The following CPXM2 variants were observed in gnomAD, a reference collection of about 807,000 sequenced individuals.
The protein encoded by CPXM2 is carboxypeptidase X, M14 family member 2.
Under a neutral mutation model 86.1 loss-of-function variants are expected in CPXM2, and 66 were observed. That is an observed-to-expected ratio of 0.77 (90% CI 0.63 to 0.94). CPXM2 has a LOEUF of 0.94. Among genes scored for constraint, CPXM2 ranks in the 40% least tolerant of loss-of-function variants. The pLI is 0.00. For missense variants in CPXM2, 948 were observed against 1,026.3 expected (o/e 0.92, Z 1.04); for synonymous variants, 388 against 400.2 (o/e 0.97, Z 0.36).
chr10:123,911,452 A>G (rs1945487368), intron 2 of CPXM2, among the ~76,000 whole-genome samples: 1 of 151,914 alleles, frequency 6.6e-6, no homozygotes, highest in African/African-American at 2.4e-5. Context: ...GGAAAGAGTG[A>G]TGGAGATGAG....
intron 6 of CPXM2, among the ~76,000 whole-genome samples, chr10:123,784,592 A>G (rs1267678337): frequency 6.6e-6 from 1 of 152,212 alleles, no homozygotes; most frequent in Non-Finnish European, 1.5e-5. Context: ...TCATAAAAAT[A>G]AATCCTTCAA....
chr10:123,747,121 G>T, intron 13 of CPXM2, 104 bp from the exon 14 acceptor site: 2 of 1,375,094 alleles, frequency 1.5e-6, no homozygotes, highest in Non-Finnish European at 2.0e-6. Context: ...GAGACTCTCA[G>T]GCTGGCAACG....
At chr10:123,789,525 T>C (rs1191317681) in intron 6 of CPXM2, among the ~76,000 whole-genome samples, 2 of 152,188 alleles carry the variant, frequency 1.3e-5, no homozygotes, top group Non-Finnish European at 2.9e-5. Context: ...ATCATCAACA[T>C]TGGGCAGCTG....
chr10:123,832,826 T>TAAAAAAAAAA (rs537178892), intron 4 of CPXM2, among the ~76,000 whole-genome samples: 47 of 133,530 alleles, frequency 3.5e-4, no homozygotes, highest in East Asian at 1.3e-3. Context: ...AAACTCTGTC[T>TAAAAAAAAAA]AAAAAAAAAA....
At chr10:123,786,813 T>C (rs953914046) in intron 6 of CPXM2, among the ~76,000 whole-genome samples, 1 of 152,156 alleles carries the variant, frequency 6.6e-6, no homozygotes, top group African/African-American at 2.4e-5. Context: ...CCCTGAGACG[T>C]CGCCTCCTCT....
At chr10:123,867,523 C>CTTTATT (rs1240878736) in intron 2 of CPXM2, among the ~76,000 whole-genome samples, 3 of 127,630 alleles carry the variant, frequency 2.4e-5, no homozygotes, top group Non-Finnish European at 5.0e-5. Context: ...CTAGAGATTT[C>CTTTATT]TTTCTTTTTT....
rs1235991036 is a variant in CPXM2, at chr10:123,757,225, C to T, written c.1905G>A (p.Val635=). ...EWENNRESLI[V]FMEQVHRGIK... is the part of the protein sequence containing the mutation. ...ACCCGCAATATACCTGCTCCATGAACACGATCAGAGATTCCCGGTTATTCT... is the reference window on the plus strand; with the variant it reads ...ACCCGCAATATACCTGCTCCATGAATACGATCAGAGATTCCCGGTTATTCT... The change falls in exon 12 of 14, where the codon GTG becomes GTA. Residue 635 remains valine (V), a synonymous_variant. Transcript: ENST00000241305. 6.2e-7 allele frequency: 1 copy of T among 1,614,082 alleles called. No homozygotes were observed. Among genetic ancestry groups the T allele is most frequent in the East Asian group, 2.2e-5 (1 of 44,882 alleles).
At chr10:123,893,819 G>C (rs951710699), upstream of CPXM2, among the ~76,000 whole-genome samples, 1 of 152,218 alleles carries the variant, frequency 6.6e-6, no homozygotes, top group Non-Finnish European at 1.5e-5. Context: ...AGCGAGCTGT[G>C]TGAAGCGCTA....
chr10:123,936,061 T>TCACCACCAC, intron 2 of CPXM2, among the ~76,000 whole-genome samples: 1 of 150 alleles, frequency 6.7e-3, no homozygotes, highest in East Asian at 0.25. Flanking sequence ...ACCATCACCA[T>TCACCACCAC]CATCACCACT....
chr10:123,884,410 C>T (rs184626074), intron 1 of CPXM2, among the ~76,000 whole-genome samples: 1 of 152,294 alleles, frequency 6.6e-6, no homozygotes, highest in Admixed American at 6.5e-5. Flanking sequence ...TGAGAAACGC[C>T]TGCTCTGTGC....
In CPXM2 at chr10:123,767,020, T is replaced by C. The variant is rs200663265; in HGVS notation, c.1432A>G (p.Asn478Asp). 62 of 1,614,060 alleles carry C rather than the reference T, an allele frequency of 3.8e-5. No homozygotes were observed. Among genetic ancestry groups the C allele is most frequent in the Non-Finnish European group, 4.9e-5 (58 of 1,180,008 alleles). The change falls in exon 10 of 14, where the codon AAT becomes GAT. Residue 478 changes from asparagine (N) to aspartate (D), a missense_variant. By Grantham distance (23) the Asn-to-Asp change is conservative. Transcript: ENST00000241305. The part of the protein sequence containing the change: ...DRQNVPRKVP[N>D]HYIAIPEWFL... ...CACTCAGGGATTGCAATATAGTGAT[T>C]GGGAACTTTCCTGGGGACATTCTGT...
chr10:123,809,198 C>T (rs144528139), intron 4 of CPXM2, among the ~76,000 whole-genome samples: 51 of 152,104 alleles, frequency 3.4e-4, no homozygotes, highest in Non-Finnish European at 6.0e-4. Flanking sequence ...TATTTAAGAA[C>T]GGCCCCAAAG....
At chr10:123,921,501 G>A (rs1945579181) in intron 2 of CPXM2, among the ~76,000 whole-genome samples, 1 of 152,248 alleles carries the variant, frequency 6.6e-6, no homozygotes, top group Non-Finnish European at 1.5e-5. Context: ...TCAAATGGCA[G>A]CAGCAGATTT....
chr10:123,752,720 TC>T, intron 13 of CPXM2: 1 of 585,530 alleles, frequency 1.7e-6, no homozygotes, highest in Non-Finnish European at 2.2e-6. Flanking sequence ...ATTTGAAGTC[TC>T]CAGTGCTTGG....
upstream of CPXM2, among the ~76,000 whole-genome samples, chr10:123,940,725 G>A (rs1015427643): frequency 6.6e-6 from 1 of 152,138 alleles, no homozygotes; most frequent in Non-Finnish European, 1.5e-5. Context: ...GCCTTTCTGG[G>A]ACCATGGATT....
At chr10:123,789,807 C>A (rs1459890964) in intron 6 of CPXM2, among the ~76,000 whole-genome samples, 1 of 152,154 alleles carries the variant, frequency 6.6e-6, no homozygotes, top group East Asian at 1.9e-4. Context: ...TAAGCTAATT[C>A]CGATTGGCTA....
intron 2 of CPXM2, among the ~76,000 whole-genome samples, chr10:123,912,899 G>A (rs1945502435): frequency 2.0e-5 from 3 of 152,194 alleles, no homozygotes; most frequent in Non-Finnish European, 4.4e-5. Flanking sequence ...GGTCATGAAG[G>A]AACTGCCAGA....
At chr10:123,785,745 G>T (rs912715442) in intron 6 of CPXM2, among the ~76,000 whole-genome samples, 5 of 150,468 alleles carry the variant, frequency 3.3e-5, no homozygotes, top group African/African-American at 9.8e-5. Context: ...CCATTCTCCT[G>T]TCTCAGCCTC....
chr10:123,859,430 G>A (rs2134190273), intron 3 of CPXM2, among the ~76,000 whole-genome samples: 1 of 152,354 alleles, frequency 6.6e-6, no homozygotes. Flanking sequence ...TGTGGCACAG[G>A]AGCACAGCCC....
Sources: allele counts gnomAD v4.1 joint callset (sites outside exome capture counted in the v4.1 genomes callset), GRCh38; gene constraint gnomAD v4.1.1; transcripts MANE v1.5; gene names NCBI Gene and HGNC (gene_info 2026-07-23, HGNC 2026-07-21).